The following ABL1 variants were observed in gnomAD, a reference collection of about 807,000 sequenced individuals.
ABL1 encodes tyrosine-protein kinase ABL1.
Under a neutral mutation model 94.7 loss-of-function variants are expected in ABL1, and 11 were observed. The ratio of observed to expected loss-of-function variants is 0.12; its 90% CI spans 0.07 to 0.19. ABL1 has a LOEUF of 0.19. ABL1 is among the 10% of genes least tolerant of loss of function. The pLI, the probability that ABL1 is intolerant of heterozygous loss-of-function variation, is 1.00. For missense variants in ABL1, 1,082 were observed against 1,489.4 expected, an observed-to-expected ratio of 0.73 and a Z score of 4.50; for synonymous variants, 656 against 622.4, an observed-to-expected ratio of 1.05 and a Z score of -0.80.
At chr9:130,765,751 C>G (rs1487203135) in intron 1 of ABL1, among the ~76,000 whole-genome samples, 6 of 152,158 alleles carry the variant, frequency 3.9e-5, no homozygotes, top group Admixed American at 3.3e-4. Flanking sequence ...CCCCAGTTCC[C>G]TTTGCTGCTT....
rs546643686 is a variant in ABL1, at chr9:130,862,604, G to A, written c.550-159G>A. ...GTAACTTAGAGCACACGTAGAGAAA[G>A]ACAGCAGAAGTGATCTTCTAAACAC... On this transcript the variant is annotated intron_variant, in intron 3 of 10. Transcript: ENST00000318560. The surrounding 1 kb of genome is among the most constrained non-coding windows in gnomAD (Gnocchi z 5.5). Among the ~76,000 whole-genome samples, 201 of 152,110 alleles carry A rather than the reference G, an allele frequency of 1.3e-3. No individual in the cohort carries two copies. Among genetic ancestry groups the A allele is most frequent in the South Asian group, 3.3e-3 (16 of 4,828 alleles).
chr9:130,806,216 G>C (rs1830123703), intron 1 of ABL1, among the ~76,000 whole-genome samples: 1 of 152,186 alleles, frequency 6.6e-6, no homozygotes. Context: ...TAGGAGGTAG[G>C]TCTGTGGAAG....
At chr9:130,758,916 A>G (rs553045559) in intron 1 of ABL1, among the ~76,000 whole-genome samples, 1 of 152,142 alleles carries the variant, frequency 6.6e-6, no homozygotes, top group Non-Finnish European at 1.5e-5. Context: ...AGAAGGCTGT[A>G]GTGGATCACA....
rs539052875 is a variant in ABL1 at position 130,880,958 on chromosome 9, C to T, written c.1678+294C>T. Among the ~76,000 whole-genome samples the T allele has an allele frequency of 5.3e-5, 8 of 152,338 alleles. No homozygotes were observed. Among genetic ancestry groups the T allele is most frequent in the African/African-American group, 1.4e-4 (6 of 41,578 alleles). On this transcript the variant is annotated intron_variant, in intron 10 of 10. Coordinates refer to ENST00000318560, the MANE Select transcript of ABL1 (RefSeq NM_005157.6). This position sits in a 1 kb window ranked among gnomAD's most constrained non-coding sequence, Gnocchi z 4.4. ...GCTAGCCCATCTCCCACCTATTACCCGCGGCATCTGTGGTTGCTGTCTCAG... is the reference window on the plus strand; with the variant it reads ...GCTAGCCCATCTCCCACCTATTACCTGCGGCATCTGTGGTTGCTGTCTCAG...
At chr9:130,757,719 T>G (rs1468746665) in intron 1 of ABL1, among the ~76,000 whole-genome samples, 1 of 151,608 alleles carries the variant, frequency 6.6e-6, no homozygotes, top group African/African-American at 2.4e-5. Context: ...TTTTTGTATT[T>G]TGTTATAGAG....
At chr9:130,875,728 G>C (rs1473677743) in intron 7 of ABL1, among the ~76,000 whole-genome samples, 1 of 152,120 alleles carries the variant, frequency 6.6e-6, no homozygotes, top group Non-Finnish European at 1.5e-5. Context: ...TTCTCTTTTA[G>C]TAAGAGTGGA....
intron 1 of ABL1, among the ~76,000 whole-genome samples, chr9:130,825,536 A>G (rs1380428607): frequency 6.6e-6 from 1 of 152,224 alleles, no homozygotes; most frequent in Non-Finnish European, 1.5e-5. Context: ...CTTATCACAC[A>G]GATAATAATT....
intron 1 of ABL1, among the ~76,000 whole-genome samples, chr9:130,752,982 C>G (rs13292345): frequency 1.4e-5 from 2 of 148,144 alleles, no homozygotes; most frequent in African/African-American, 2.5e-5. Context: ...AAGGGCTGGG[C>G]GCAGTGGCTC....
chr9:130,768,562 G>A (rs1799696901), intron 1 of ABL1, among the ~76,000 whole-genome samples: 1 of 152,194 alleles, frequency 6.6e-6, no homozygotes, highest in South Asian at 2.1e-4. Flanking sequence ...CTGGTCTGGG[G>A]GATGTTGCTT....
intron 4 of ABL1, among the ~76,000 whole-genome samples, chr9:130,870,677 G>A (rs1341556790): frequency 3.3e-5 from 5 of 152,180 alleles, no homozygotes; most frequent in African/African-American, 9.6e-5. Flanking sequence ...CAATGGGGTG[G>A]TGACAGAGGT....
At position 130,862,727 on chromosome 9, in the gene ABL1, C is replaced by T. The variant is rs1183588759; in HGVS notation, c.550-36C>T. On this transcript the variant is annotated intron_variant, in intron 3 of 10. Transcript: ENST00000318560. This position sits in a 1 kb window ranked among gnomAD's most constrained non-coding sequence, Gnocchi z 5.5. Reference sequence around the variant, plus strand: ...ACGTGAGCTCTTTGAGCTTGCCTGTCTCTGTGGGCTGAAGGCTGTTCCCTG... The same window carrying T: ...ACGTGAGCTCTTTGAGCTTGCCTGTTTCTGTGGGCTGAAGGCTGTTCCCTG... The T allele has an allele frequency of 1.9e-6, 3 of 1,599,412 alleles. No homozygotes were observed. Among genetic ancestry groups the T allele is most frequent in the Non-Finnish European group, 2.6e-6 (3 of 1,173,250 alleles).
chr9:130,713,253 C>A (rs1449619856), exon 1 of ABL1, among the ~76,000 whole-genome samples: 1 of 152,096 alleles, frequency 6.6e-6, no homozygotes, highest in South Asian at 2.1e-4. Flanking sequence ...GGGGGTGTCT[C>A]GGGCAGAGAC....
Position 130,741,320 on chromosome 9 carries a change from G to A in ABL1, c.136+26865G>A, listed in dbSNP as rs569030054. ...ATGCCGGAGTAACAGTTACGGCACT[G>A]ATGCACCAGTTACCATGCCAGAGTA... is the stretch of plus-strand genomic sequence containing the variant. On this transcript the variant is annotated intron_variant, in intron 1 of 10. Coordinates refer to the ABL1 transcript ENST00000372348. Among the ~76,000 whole-genome samples the A allele has an allele frequency of 4.6e-5, 7 of 152,254 alleles. No homozygotes were observed. In the East Asian group the frequency reaches 1.4e-3, roughly 29 times the overall value.
chr9:130,873,167 A>C, intron 6 of ABL1, 130 bp downstream of exon 6: 1 of 978,598 alleles, frequency 1.0e-6, no homozygotes, highest in Non-Finnish European at 1.5e-6. Context: ...AACACATTGG[A>C]CCTTGGAACA....
At position 130,736,729 on chromosome 9, in the gene ABL1, G is replaced by C. The variant is rs191400721; in HGVS notation, c.136+22274G>C. ...TGGTCTCAAACTTCCGATCTCAGGT[G>C]ATCTGCCCACCTCGGCCTCCCAAAG... On this transcript the variant is annotated intron_variant, in intron 1 of 10. Transcript: ENST00000372348. Among the ~76,000 whole-genome samples, 502 of 152,292 alleles carry C rather than the reference G, an allele frequency of 3.3e-3. 1 individual carries two copies. The highest frequency in any genetic ancestry group is 0.012 in the African/African-American group (481 of 41,566).
rs1292756902 is a variant in ABL1, at chr9:130,835,619, C to T, written c.79+94C>T. On this transcript the variant is annotated intron_variant, in intron 1 of 10. Coordinates refer to ENST00000318560, the MANE Select transcript of ABL1 (RefSeq NM_005157.6). The surrounding 1 kb of genome is among the most constrained non-coding windows in gnomAD (Gnocchi z 4.6). ...GGCCTCGCCGCCCGCGCGCTCCCGC[C>T]TGCGCCCTCCCCGGGTCTTGTCTTT... 1.1e-6 allele frequency: 1 copy of T among 937,472 alleles called. No individual in the cohort carries two copies. The highest frequency in any genetic ancestry group is 1.4e-5 in the South Asian group (1 of 69,430). The allele number at this position is 937,472 out of a possible 1,614,324, so 58.1% of individuals were successfully genotyped here. A position where few individuals can be genotyped will look rare whatever the true frequency, so the allele number is the denominator to read the frequency against.
At chr9:130,786,253 G>C (rs144699013) in intron 1 of ABL1, among the ~76,000 whole-genome samples, 2 of 152,176 alleles carry the variant, frequency 1.3e-5, no homozygotes, top group Non-Finnish European at 2.9e-5. Context: ...GCCGTCCCTC[G>C]TTGTCTGGTT....
intron 1 of ABL1, among the ~76,000 whole-genome samples, chr9:130,778,374 A>G (rs1448478068): frequency 6.6e-6 from 1 of 152,142 alleles, no homozygotes; most frequent in Admixed American, 6.5e-5. Context: ...TTGTGTTGGG[A>G]CACTGACACA....
At chr9:130,733,677 C>T (rs1831695862) in intron 1 of ABL1, among the ~76,000 whole-genome samples, 1 of 145,532 alleles carries the variant, frequency 6.9e-6, no homozygotes, top group Non-Finnish European at 1.5e-5. Flanking sequence ...CACCTGGGTT[C>T]ACACCATTCT....
Sources: allele counts gnomAD v4.1 joint callset (sites outside exome capture counted in the v4.1 genomes callset), GRCh38; gene constraint gnomAD v4.1.1; non-coding constraint Gnocchi (gnomAD v3.1); transcripts MANE v1.5; gene names NCBI Gene and HGNC (gene_info 2026-07-23, HGNC 2026-07-21).